RARB: variants seen among roughly 807,000 people sequenced by gnomAD.
The protein encoded by RARB is HBV-activated protein.
A neutral mutation model predicts 51.9 loss-of-function variants in RARB; 17 were observed. That is an observed-to-expected ratio of 0.33 (90% CI 0.22 to 0.49). The LOEUF (loss-of-function observed/expected upper bound fraction) is 0.49, where lower values mean the gene tolerates loss of function less well. Among genes scored for constraint, RARB ranks in the 20% least tolerant of loss-of-function variants. The probability of loss-of-function intolerance (pLI) is 0.99; values close to 1 mark genes in which losing one functional copy is unlikely to be tolerated. For missense variants in RARB, 369 were observed against 550.8 expected (o/e 0.67, Z 3.30); for synonymous variants, 215 against 195.4 (o/e 1.10, Z -0.84).
At chr3:25,252,199 C>G (rs1702741283) in intron 5 of RARB, among the ~76,000 whole-genome samples, 1 of 152,158 alleles carries the variant, frequency 6.6e-6, no homozygotes, top group East Asian at 1.9e-4. Context: ...GACTACACAT[C>G]TATTTCTTTG....
At chr3:25,170,682 G>A (rs916003016) in intron 4 of RARB, among the ~76,000 whole-genome samples, 2 of 152,124 alleles carry the variant, frequency 1.3e-5, no homozygotes, top group Non-Finnish European at 1.5e-5. Context: ...TGAATGAAAT[G>A]CAACAGAAAA....
Position 25,191,113 on chromosome 3 carries a change from A to G in RARB, c.178+16538A>G, listed in dbSNP as rs151040062. 5.7e-3 allele frequency among the ~76,000 whole-genome samples: 871 copies of G among 152,226 alleles called. 7 individuals carry two copies. Among genetic ancestry groups the G allele is most frequent in the Non-Finnish European group, 9.6e-3 (651 of 67,990 alleles). On this transcript the variant is annotated intron_variant, in intron 5 of 11. Transcript: ENST00000383772. ...TATTACAGACTTTGATATAACTTCC[A>G]TGTTTCTTTCATGTATTAAAAGGGC...
At chr3:25,493,598 G>C (rs75722923) in intron 2 of RARB, among the ~76,000 whole-genome samples, 15,316 of 152,196 alleles carry the variant, frequency 0.1, 955 homozygotes, top group African/African-American at 0.18. Context: ...CTTTTAGTGA[G>C]TGAGGAAAAT....
At chr3:25,198,155 C>T (rs1701293934) in intron 5 of RARB, among the ~76,000 whole-genome samples, 1 of 151,982 alleles carries the variant, frequency 6.6e-6, no homozygotes, top group South Asian at 2.1e-4. Flanking sequence ...GCAAAGCTGC[C>T]AACAACATAC....
chr3:25,576,596 C>G (rs187432934), intron 4 of RARB, among the ~76,000 whole-genome samples: 19 of 152,324 alleles, frequency 1.2e-4, no homozygotes, highest in African/African-American at 4.3e-4. Context: ...CAGGAGCACG[C>G]CTGAAACGTG....
chr3:24,881,091 G>A (rs1703150472), intron 2 of RARB, among the ~76,000 whole-genome samples: 1 of 152,162 alleles, frequency 6.6e-6, no homozygotes, highest in Non-Finnish European at 1.5e-5. Flanking sequence ...TCTCACTAGA[G>A]GTGATGGTTT....
chr3:25,163,504 A>AAAAAAAAAAAAAAAAAATATATATAT (rs1303712411), intron 4 of RARB, among the ~76,000 whole-genome samples: 2 of 131,094 alleles, frequency 1.5e-5, no homozygotes, highest in African/African-American at 6.4e-5. Context: ...CCTATCTCAA[A>AAAAAAAAAAAAAAAAAATATATATAT]ATATATATAT....
intron 5 of RARB, among the ~76,000 whole-genome samples, chr3:25,301,457 A>C (rs1335207736): frequency 6.6e-6 from 1 of 152,132 alleles, no homozygotes; most frequent in Non-Finnish European, 1.5e-5. Context: ...AACCATGGCT[A>C]CCTTCTCGTT....
chr3:25,163,511 A>ATATATATATATAT (rs1700509376), intron 4 of RARB, among the ~76,000 whole-genome samples: 1 of 31,768 alleles, frequency 3.1e-5, no homozygotes, highest in African/African-American at 9.2e-5. Flanking sequence ...CAAAATATAT[A>ATATATATATATAT]TATATATATA....
At chr3:25,192,735 C>G (rs1012436704) in intron 5 of RARB, among the ~76,000 whole-genome samples, 1 of 152,042 alleles carries the variant, frequency 6.6e-6, no homozygotes, top group Non-Finnish European at 1.5e-5. Flanking sequence ...CACACAGACA[C>G]ACACACGACA....
At chr3:25,522,425 C>T (rs1199285886) in intron 3 of RARB, among the ~76,000 whole-genome samples, 7 of 152,068 alleles carry the variant, frequency 4.6e-5, no homozygotes, top group East Asian at 1.9e-4. Flanking sequence ...AAACACAGAC[C>T]GCTTGTCTCT....
intron 5 of RARB, among the ~76,000 whole-genome samples, chr3:25,369,562 A>ATT (rs1166083200): frequency 6.6e-6 from 1 of 152,184 alleles, no homozygotes; most frequent in Non-Finnish European, 1.5e-5. Flanking sequence ...TATTCCAGAG[A>ATT]TTTCACTCCT....
At chr3:25,265,653 G>A (rs1703108859) in intron 5 of RARB, among the ~76,000 whole-genome samples, 1 of 151,990 alleles carries the variant, frequency 6.6e-6, no homozygotes, top group Admixed American at 6.6e-5. Context: ...TTGTATTTTT[G>A]TAGACACAGG....
intron 4 of RARB, among the ~76,000 whole-genome samples, chr3:25,576,311 G>T (rs1012823196): frequency 5.9e-5 from 9 of 152,280 alleles, no homozygotes; most frequent in Non-Finnish European, 4.4e-5. Flanking sequence ...TGGCTGGAAG[G>T]CTTCGGCAGG....
At chr3:24,894,840 A>G (rs895241684) in intron 2 of RARB, among the ~76,000 whole-genome samples, 1 of 152,324 alleles carries the variant, frequency 6.6e-6, no homozygotes, top group African/African-American at 2.4e-5. Flanking sequence ...GGAGACCATT[A>G]TCCAATGTGA....
intron 2 of RARB, among the ~76,000 whole-genome samples, chr3:24,929,004 C>T (rs1695383549): frequency 6.6e-6 from 1 of 151,940 alleles, no homozygotes; most frequent in South Asian, 2.1e-4. Flanking sequence ...ATGTTTTCTC[C>T]TACTGTTTAT....
intron 3 of RARB, among the ~76,000 whole-genome samples, chr3:25,519,142 T>A (rs1483781897): frequency 6.6e-6 from 1 of 152,190 alleles, no homozygotes; most frequent in Non-Finnish European, 1.5e-5. Context: ...CTGAGTAGCA[T>A]TCTATTTTAT....
At chr3:25,351,191 C>T (rs1705558434) in intron 5 of RARB, among the ~76,000 whole-genome samples, 1 of 152,056 alleles carries the variant, frequency 6.6e-6, no homozygotes, top group African/African-American at 2.4e-5. Context: ...GGTAGTTTTT[C>T]ATTATATTCT....
intron 2 of RARB, among the ~76,000 whole-genome samples, chr3:24,975,806 C>T (rs1317605070): frequency 6.6e-6 from 1 of 151,864 alleles, no homozygotes; most frequent in Non-Finnish European, 1.5e-5. Context: ...TTCTAGGGTA[C>T]ACGTGCACAA....
Sources: gnomAD v4.1 joint callset for allele counts (sites outside exome capture counted in the v4.1 genomes callset) on GRCh38, gnomAD v4.1.1 for gene constraint, MANE v1.5 for transcripts, NCBI Gene and HGNC (gene_info 2026-07-23, HGNC 2026-07-21) for gene names.